HERC3: variants seen among roughly 807,000 people sequenced by gnomAD.
HERC3 encodes the protein probable E3 ubiquitin-protein ligase HERC3.
HERC3 carries 58 observed loss-of-function variants against 129.9 expected under a neutral mutation model. The observed-to-expected ratio is 0.45, with a 90% CI of 0.36 to 0.56. The LOEUF is 0.56. Among genes scored for constraint, HERC3 ranks in the 20% least tolerant of loss-of-function variants. HERC3 has a pLI of 0.00. For missense variants in HERC3, 835 were observed against 1,244.2 expected, an observed-to-expected ratio of 0.67 and a Z score of 4.95; for synonymous variants, 430 against 451.0, an observed-to-expected ratio of 0.95 and a Z score of 0.59.
chr4:88,693,796 T>G (rs1276320350), intron 23 of HERC3: 1 of 499,180 alleles, frequency 2.0e-6, no homozygotes, highest in Non-Finnish European at 2.6e-6. Flanking sequence ...GTTGGTTGAG[T>G]GTGTATTGCA....
chr4:88,578,250 T>C, the HERC3 span, among the ~76,000 whole-genome samples: 2 of 152,200 alleles, frequency 1.3e-5, no homozygotes, highest in African/African-American at 2.4e-5. Flanking sequence ...AAAATGTATC[T>C]ATTGAGCCTC....
chr4:88,589,479 T>A (rs1358647347), upstream of HERC3, among the ~76,000 whole-genome samples: 2 of 152,360 alleles, frequency 1.3e-5, no homozygotes, highest in Non-Finnish European at 2.9e-5. Context: ...TTGGTTAATG[T>A]TTGTCTCCCC....
chr4:88,699,448 C>T (rs2149345277), intron 23 of HERC3, among the ~76,000 whole-genome samples: 1 of 144,280 alleles, frequency 6.9e-6, no homozygotes, highest in East Asian at 2.0e-4. Flanking sequence ...CTTCTTTACC[C>T]TGCTCACCAT....
chr4:88,645,827 C>T (rs1728634301), intron 3 of HERC3, among the ~76,000 whole-genome samples: 2 of 152,150 alleles, frequency 1.3e-5, no homozygotes, highest in South Asian at 4.1e-4. Flanking sequence ...GTAACTGAAA[C>T]TCTGGAAAGC....
At chr4:88,649,203 G>T (rs1286234400) in intron 3 of HERC3, among the ~76,000 whole-genome samples, 1 of 152,130 alleles carries the variant, frequency 6.6e-6, no homozygotes, top group Non-Finnish European at 1.5e-5. Context: ...GTGGAGCTGT[G>T]TGTGTCCGCT....
At chr4:88,636,110 C>T (rs1047734531) in intron 3 of HERC3, among the ~76,000 whole-genome samples, 1 of 152,124 alleles carries the variant, frequency 6.6e-6, no homozygotes, top group African/African-American at 2.4e-5. Context: ...AAATAACCAG[C>T]TAGCGTCATG....
At chr4:88,624,828 G>A (rs567440648) in intron 3 of HERC3, among the ~76,000 whole-genome samples, 2 of 152,188 alleles carry the variant, frequency 1.3e-5, no homozygotes, top group African/African-American at 4.8e-5. Context: ...AAATTTTATA[G>A]TTTAGCTCTT....
intron 23 of HERC3, among the ~76,000 whole-genome samples, chr4:88,695,645 C>T (rs1344562615): frequency 1.3e-5 from 2 of 152,152 alleles, no homozygotes; most frequent in African/African-American, 4.8e-5. Context: ...ATTGAATTTC[C>T]AATCACTGTC....
At chr4:88,634,782 G>C (rs1727183980) in intron 3 of HERC3, among the ~76,000 whole-genome samples, 1 of 151,342 alleles carries the variant, frequency 6.6e-6, no homozygotes, top group Non-Finnish European at 1.5e-5. Flanking sequence ...CGAGGTCAGA[G>C]GTCCCAGAGG....
upstream of HERC3, among the ~76,000 whole-genome samples, chr4:88,592,267 G>A (rs1282363011): frequency 6.6e-6 from 1 of 152,242 alleles, no homozygotes; most frequent in African/African-American, 2.4e-5. Context: ...CCCGCGCCGG[G>A]CCCTCGAGTC....
At chr4:88,633,008 A>T (rs747537830) in intron 3 of HERC3, among the ~76,000 whole-genome samples, 1 of 152,210 alleles carries the variant, frequency 6.6e-6, no homozygotes, top group Non-Finnish European at 1.5e-5. Flanking sequence ...AACACATTAC[A>T]TATAAGGAAA....
chr4:88,535,263 G>A, the HERC3 span, among the ~76,000 whole-genome samples: 1 of 152,076 alleles, frequency 6.6e-6, no homozygotes, highest in Non-Finnish European at 1.5e-5. Flanking sequence ...CAGCACCTAG[G>A]GCACTGCCCT....
chr4:88,576,387 C>T, the HERC3 span, among the ~76,000 whole-genome samples: 2 of 152,166 alleles, frequency 1.3e-5, no homozygotes, highest in Admixed American at 6.6e-5. Flanking sequence ...CTGCCCTTTT[C>T]TCTAAATTTA....
At chr4:88,544,584 A>T in the HERC3 span, among the ~76,000 whole-genome samples, 2 of 152,262 alleles carry the variant, frequency 1.3e-5, no homozygotes, top group South Asian at 4.1e-4. Context: ...TACTCAAAGC[A>T]TTATAAATCA....
chr4:88,614,251 A>G lies in HERC3; in HGVS notation c.226+8202A>G, dbSNP rs145502288. On this transcript the variant is annotated intron_variant, in intron 3 of 25. Coordinates refer to ENST00000402738, the MANE Select transcript of HERC3 (RefSeq NM_014606.3). ...TCATGATAGCTTTGTAAAGTAGGTC[A>G]GTATTATTATCCAAGGTATATGTAA... is the stretch of plus-strand genomic sequence containing the variant. Among the ~76,000 whole-genome samples, 1,362 of 152,264 alleles carry G rather than the reference A, an allele frequency of 8.9e-3. 19 individuals carry two copies. The highest frequency in any genetic ancestry group is 0.031 in the African/African-American group (1,268 of 41,556).
chr4:88,653,842 T>C (rs1314076689), intron 6 of HERC3, among the ~76,000 whole-genome samples, 200 bp from the exon 7 acceptor site: 1 of 151,850 alleles, frequency 6.6e-6, no homozygotes, highest in Non-Finnish European at 1.5e-5. Context: ...GTGGGCAGGG[T>C]TGGAGAGTGT....
At chr4:88,546,092 T>C in the HERC3 span, among the ~76,000 whole-genome samples, 2 of 152,198 alleles carry the variant, frequency 1.3e-5, no homozygotes, top group African/African-American at 4.8e-5. Context: ...TTTATGCTAT[T>C]AGGTTGAATT....
chr4:88,691,958 A>G (rs1470433687), intron 23 of HERC3, among the ~76,000 whole-genome samples: 1 of 152,236 alleles, frequency 6.6e-6, no homozygotes, highest in Non-Finnish European at 1.5e-5. Context: ...GCCCCAGGGG[A>G]AAATGCCAGA....
At chr4:88,557,468 A>G in the HERC3 span, among the ~76,000 whole-genome samples, 1 of 152,120 alleles carries the variant, frequency 6.6e-6, no homozygotes, top group African/African-American at 2.4e-5. Context: ...TCTGTCACCA[A>G]TATTTTTGGT....
Sources: gnomAD v4.1 joint callset for allele counts (sites outside exome capture counted in the v4.1 genomes callset) on GRCh38, gnomAD v4.1.1 for gene constraint, MANE v1.5 for transcripts, NCBI Gene and HGNC (gene_info 2026-07-23, HGNC 2026-07-21) for gene names.